CNTNAP2: variants seen among roughly 807,000 people sequenced by gnomAD.
The protein encoded by CNTNAP2 is contactin-associated protein-like 2.
A neutral mutation model predicts 155.2 loss-of-function variants in CNTNAP2; 98 were observed. That is an observed-to-expected ratio of 0.63 (90% CI 0.54 to 0.75). CNTNAP2 has a LOEUF of 0.75. CNTNAP2 is among the 30% of genes least tolerant of loss of function. The pLI, the probability that CNTNAP2 is intolerant of heterozygous loss-of-function variation, is 0.00. For missense variants in CNTNAP2, 1,727 were observed against 1,688.1 expected (o/e 1.02, Z -0.40); for synonymous variants, 651 against 631.2 (o/e 1.03, Z -0.47).
chr7:147,194,423 C>T (rs1000992261), intron 8 of CNTNAP2, among the ~76,000 whole-genome samples: 5 of 152,018 alleles, frequency 3.3e-5, no homozygotes, highest in African/African-American at 9.7e-5. Flanking sequence ...GTAGAATGGT[C>T]TCTATTCTTT....
At chr7:146,520,006 A>G (rs1797594909) in intron 1 of CNTNAP2, among the ~76,000 whole-genome samples, 1 of 151,846 alleles carries the variant, frequency 6.6e-6, no homozygotes, top group Non-Finnish European at 1.5e-5. Flanking sequence ...AATAAAGTAT[A>G]TTAAATATAC....
chr7:147,364,886 T>C (rs1796200816), intron 9 of CNTNAP2, among the ~76,000 whole-genome samples: 1 of 151,958 alleles, frequency 6.6e-6, no homozygotes, highest in African/African-American at 2.4e-5. Flanking sequence ...TGTTAAAAAT[T>C]ACTTTGGCGT....
chr7:147,181,434 T>C (rs1394715034), intron 8 of CNTNAP2, among the ~76,000 whole-genome samples: 1 of 152,258 alleles, frequency 6.6e-6, no homozygotes, highest in African/African-American at 2.4e-5. Flanking sequence ...TTAAAATCTT[T>C]GGTAAGTTTT....
At chr7:148,366,788 G>C (rs763003657) in intron 21 of CNTNAP2, among the ~76,000 whole-genome samples, 5 of 151,942 alleles carry the variant, frequency 3.3e-5, no homozygotes, top group Non-Finnish European at 5.9e-5. Context: ...CAGTAGCAGA[G>C]TTTTCACCAC....
At chr7:146,756,681 G>A (rs1585075819) in intron 1 of CNTNAP2, among the ~76,000 whole-genome samples, 1 of 151,968 alleles carries the variant, frequency 6.6e-6, no homozygotes, top group South Asian at 2.1e-4. Flanking sequence ...ATGTACCCAA[G>A]AATGCATATG....
At chr7:147,243,833 T>G (rs557811285) in intron 8 of CNTNAP2, among the ~76,000 whole-genome samples, 1 of 152,182 alleles carries the variant, frequency 6.6e-6, no homozygotes, top group African/African-American at 2.4e-5. Context: ...ACAAAGTTTC[T>G]TCTTTTTTTA....
chr7:146,232,959 T>A (rs978717047), intron 1 of CNTNAP2, among the ~76,000 whole-genome samples: 38 of 152,186 alleles, frequency 2.5e-4, no homozygotes, highest in Non-Finnish European at 5.9e-5. Context: ...ACCCATTTAA[T>A]TATTCCATCT....
intron 1 of CNTNAP2, among the ~76,000 whole-genome samples, chr7:146,118,460 G>A (rs1441512853): frequency 2.0e-5 from 3 of 152,056 alleles, no homozygotes; most frequent in Admixed American, 6.5e-5. Context: ...AAACTAGTTT[G>A]ATGAAATTTC....
intron 8 of CNTNAP2, among the ~76,000 whole-genome samples, chr7:147,255,816 C>A (rs1432860324): frequency 2.0e-5 from 3 of 152,132 alleles, no homozygotes; most frequent in Non-Finnish European, 4.4e-5. Context: ...CAGCTCACTG[C>A]AACCTCTGCT....
chr7:146,808,856 CGTT>C (rs1354932316), intron 2 of CNTNAP2, among the ~76,000 whole-genome samples: 3 of 152,164 alleles, frequency 2.0e-5, no homozygotes, highest in Admixed American at 6.5e-5. Context: ...AGTTCATTCA[CGTT>C]GTCACGAATG....
At chr7:146,627,445 G>T (rs112193733) in intron 1 of CNTNAP2, among the ~76,000 whole-genome samples, 1,637 of 152,174 alleles carry the variant, frequency 0.011, 24 homozygotes, top group African/African-American at 0.035. Context: ...ATCTAGAAAA[G>T]AAAATGTTTA....
At chr7:147,655,017 A>G (rs1393296858) in intron 13 of CNTNAP2, among the ~76,000 whole-genome samples, 5 of 151,730 alleles carry the variant, frequency 3.3e-5, no homozygotes, top group Non-Finnish European at 7.4e-5. Context: ...GGGTTTCACC[A>G]TGTTGGCCAG....
At chr7:147,719,511 C>T (rs1796531701) in intron 13 of CNTNAP2, among the ~76,000 whole-genome samples, 1 of 152,030 alleles carries the variant, frequency 6.6e-6, no homozygotes, top group African/African-American at 2.4e-5. Flanking sequence ...AAATGATTCA[C>T]CTAACTGCCA....
rs59906748 is a variant in CNTNAP2, at chr7:148,130,519, G to C, written c.2554+12231G>C. On this transcript the variant is annotated intron_variant, in intron 16 of 23. Coordinates refer to ENST00000361727, the MANE Select transcript of CNTNAP2 (RefSeq NM_014141.6). ...GTGAGGCCAAATTTCTACAGATCTG[G>C]TCCAGTTACTCCTTTCCTTACAGAC... Among the ~76,000 whole-genome samples, 1,437 of 152,232 alleles carry C rather than the reference G, an allele frequency of 9.4e-3. 23 individuals carry two copies. Among genetic ancestry groups the C allele is most frequent in the African/African-American group, 0.032 (1,325 of 41,536 alleles).
At chr7:146,712,894 T>G (rs551614105) in intron 1 of CNTNAP2, among the ~76,000 whole-genome samples, 1 of 151,966 alleles carries the variant, frequency 6.6e-6, no homozygotes, top group Non-Finnish European at 1.5e-5. Flanking sequence ...TGCCTTATAT[T>G]TTTCTATTGG....
chr7:147,762,415 G>A (rs1305848416), intron 13 of CNTNAP2, among the ~76,000 whole-genome samples: 1 of 152,096 alleles, frequency 6.6e-6, no homozygotes, highest in Admixed American at 6.5e-5. Flanking sequence ...TGAGTTTGCT[G>A]AAAGGCAAAC....
chr7:147,758,590 T>C (rs1797251795), intron 13 of CNTNAP2, among the ~76,000 whole-genome samples: 1 of 152,176 alleles, frequency 6.6e-6, no homozygotes, highest in East Asian at 1.9e-4. Context: ...AGGCCTGTAA[T>C]ACCAGCACTT....
Position 147,028,959 on chromosome 7 carries a change from C to CTTTT in CNTNAP2, c.403-14929_403-14926dup, listed in dbSNP as rs397889433. ...AGACATATGCAAAATAAGATATGTT[C>CTTTT]TTTTTTTTTTTTTTTTTTTTTTGAG... On this transcript the variant is annotated intron_variant, in intron 3 of 23. Coordinates refer to ENST00000361727, the MANE Select transcript of CNTNAP2 (RefSeq NM_014141.6). 5.5e-3 allele frequency among the ~76,000 whole-genome samples: 573 copies of CTTTT among 103,726 alleles called. 49 individuals carry two copies. The highest frequency in any genetic ancestry group is 0.019 in the African/African-American group (454 of 23,966). 68.0% of individuals were successfully genotyped at this position (103,726 alleles called of 152,430 possible). A position where few individuals can be genotyped will look rare whatever the true frequency, so the allele number is the denominator to read the frequency against.
At chr7:146,695,767 T>G (rs1453824262) in intron 1 of CNTNAP2, among the ~76,000 whole-genome samples, 1 of 152,150 alleles carries the variant, frequency 6.6e-6, no homozygotes, top group Non-Finnish European at 1.5e-5. Flanking sequence ...ATTTAGCATG[T>G]ACAACATGAT....
Sources: gnomAD v4.1 joint callset for allele counts (sites outside exome capture counted in the v4.1 genomes callset) on GRCh38, gnomAD v4.1.1 for gene constraint, MANE v1.5 for transcripts, NCBI Gene and HGNC (gene_info 2026-07-23, HGNC 2026-07-21) for gene names.